MTMR8: variants seen among roughly 807,000 people sequenced by gnomAD.
The protein encoded by MTMR8 is phosphatidylinositol-3,5-bisphosphate 3-phosphatase MTMR8.
MTMR8 carries 65 observed loss-of-function variants against 39.3 expected under a neutral mutation model. The ratio of observed to expected loss-of-function variants is 1.65; its 90% CI spans 1.35 to 2.03. The LOEUF is 2.03. Ranked by LOEUF, MTMR8 falls within the 30% of genes most tolerant of loss-of-function variation. The probability of loss-of-function intolerance (pLI) is 0.00; values close to 1 mark genes in which losing one functional copy is unlikely to be tolerated. For synonymous variants in MTMR8, 245 were observed against 185.2 expected, an observed-to-expected ratio of 1.32 and a Z score of -2.62; for missense variants, 777 against 538.9, an observed-to-expected ratio of 1.44 and a Z score of -4.37.
At chrX:64,379,282 GC>G (rs1924349472) in intron 1 of MTMR8, among the ~76,000 whole-genome samples, 1 of 111,619 alleles carries the variant, frequency 9.0e-6, no homozygotes, top group African/African-American at 3.3e-5. Flanking sequence ...ATTCTATAAG[GC>G]TAGCATTACC....
intron 12 of MTMR8, among the ~76,000 whole-genome samples, chrX:64,288,710 C>T (rs887820486): frequency 9.0e-5 from 10 of 111,361 alleles, no homozygotes; most frequent in Non-Finnish European, 7.5e-5. Flanking sequence ...GAGTTCATGT[C>T]CTTTGCAGGG....
intron 12 of MTMR8, among the ~76,000 whole-genome samples, chrX:64,281,954 C>A (rs1932025827): frequency 9.1e-6 from 1 of 109,879 alleles, no homozygotes; most frequent in Non-Finnish European, 1.9e-5. Context: ...TTTATGCGGC[C>A]AACAAACATA....
chrX:64,361,969 G>C (rs1923791611), intron 1 of MTMR8, among the ~76,000 whole-genome samples: 1 of 110,678 alleles, frequency 9.0e-6, no homozygotes, highest in African/African-American at 3.3e-5. Flanking sequence ...ATATAAAAGA[G>C]TTCAGCAAGG....
intron 12 of MTMR8, among the ~76,000 whole-genome samples, chrX:64,311,870 C>T (rs1325434156): frequency 1.9e-5 from 2 of 105,307 alleles, no homozygotes; most frequent in Non-Finnish European, 3.8e-5. Context: ...TATATATCTG[C>T]TTTGGTACCA....
At chrX:64,359,862 T>TA (rs1343696349) in intron 1 of MTMR8, among the ~76,000 whole-genome samples, 2 of 92,255 alleles carry the variant, frequency 2.2e-5, no homozygotes, top group African/African-American at 4.5e-5. Context: ...ATTGTATGTG[T>TA]AAAAAAATCA....
rs149756639 is a variant in MTMR8 at position 64,330,162 on chromosome X, G to A, written c.1353-1262C>T. 7.2e-3 allele frequency among the ~76,000 whole-genome samples: 803 copies of A among 111,835 alleles called. 4 individuals are homozygous for A. Among genetic ancestry groups the A allele is most frequent in the Non-Finnish European group, 0.011 (590 of 53,085 alleles). ...GTTATGTTTTTTAAATGGATATTCAGATTTGTGTGAAAAATACCACATATA... is the reference window on the plus strand; with the variant it reads ...GTTATGTTTTTTAAATGGATATTCAAATTTGTGTGAAAAATACCACATATA... On this transcript the variant is annotated intron_variant, in intron 11 of 13. Coordinates refer to ENST00000374852, the MANE Select transcript of MTMR8 (RefSeq NM_017677.4).
chrX:64,375,955 G>A (rs1569231818), intron 1 of MTMR8, among the ~76,000 whole-genome samples: 2 of 111,138 alleles, frequency 1.8e-5, no homozygotes, highest in Non-Finnish European at 3.8e-5. Context: ...GTTCTCACAC[G>A]ATCTGGTTGT....
chrX:64,295,374 G>C (rs942426551), intron 12 of MTMR8, among the ~76,000 whole-genome samples: 3 of 111,293 alleles, frequency 2.7e-5, no homozygotes, highest in African/African-American at 9.8e-5. Context: ...ATTCTTAGAA[G>C]AGAACATAGG....
chrX:64,326,873 T>C (rs189747562), intron 12 of MTMR8, among the ~76,000 whole-genome samples: 2 of 108,294 alleles, frequency 1.8e-5, no homozygotes, highest in East Asian at 2.9e-4. Flanking sequence ...ACCAATGGAA[T>C]AGAGAGCCCA....
intron 12 of MTMR8, among the ~76,000 whole-genome samples, chrX:64,311,294 CTTCTT>C (rs1289564406): frequency 2.7e-5 from 3 of 111,623 alleles, no homozygotes; most frequent in African/African-American, 6.5e-5. Flanking sequence ...GCATAAATGT[CTTCTT>C]TTGAGACGTG....
intron 12 of MTMR8, among the ~76,000 whole-genome samples, chrX:64,317,374 C>T (rs990399300): frequency 1.8e-5 from 2 of 111,319 alleles, no homozygotes; most frequent in African/African-American, 6.5e-5. Flanking sequence ...ACCCCTGTGA[C>T]TCTGTTTATT....
chrX:64,298,509 T>A (rs1182359923), intron 12 of MTMR8, among the ~76,000 whole-genome samples: 2 of 82,755 alleles, frequency 2.4e-5, no homozygotes, highest in Non-Finnish European at 4.1e-5. Context: ...AGATATACAA[T>A]CATGTCATCT....
At chrX:64,335,587 T>G (rs1414356722) in intron 10 of MTMR8, among the ~76,000 whole-genome samples, 1 of 112,335 alleles carries the variant, frequency 8.9e-6, no homozygotes, top group African/African-American at 3.2e-5. Context: ...CAGATAAATA[T>G]AAGCCCTTGT....
At chrX:64,309,406 T>C (rs974285965) in intron 12 of MTMR8, among the ~76,000 whole-genome samples, 2 of 111,676 alleles carry the variant, frequency 1.8e-5, no homozygotes, top group Non-Finnish European at 3.8e-5. Flanking sequence ...ACTTGTTCAT[T>C]GCTAGTATGT....
chrX:64,317,192 A>T (rs1007169303), intron 12 of MTMR8, among the ~76,000 whole-genome samples: 2 of 109,334 alleles, frequency 1.8e-5, no homozygotes, highest in Non-Finnish European at 3.8e-5. Flanking sequence ...TTTGGGGTTT[A>T]TCCTGTTTGA....
chrX:64,288,120 G>T (rs1199797311), intron 12 of MTMR8, among the ~76,000 whole-genome samples: 2 of 100,867 alleles, frequency 2.0e-5, no homozygotes, highest in Non-Finnish European at 4.0e-5. Context: ...CTGACAAACG[G>T]CTAACATCCA....
intron 1 of MTMR8, among the ~76,000 whole-genome samples, chrX:64,377,975 C>G (rs1336055924): frequency 6.3e-5 from 7 of 111,708 alleles, no homozygotes; most frequent in Admixed American, 2.9e-4. Context: ...AGCACTTCCC[C>G]TTTTGCTCTG....
At chrX:64,352,793 G>T (rs1308906544) in intron 4 of MTMR8, among the ~76,000 whole-genome samples, 4 of 111,350 alleles carry the variant, frequency 3.6e-5, no homozygotes, top group Non-Finnish European at 7.5e-5. Flanking sequence ...CTTAGTTCAG[G>T]TTCTCATAAC....
At chrX:64,347,562 A>C (rs1299148094) in intron 6 of MTMR8, among the ~76,000 whole-genome samples, 1 of 111,934 alleles carries the variant, frequency 8.9e-6, no homozygotes, top group Non-Finnish European at 1.9e-5. Context: ...TGTCTAAGGC[A>C]ACTATCTGGT....
Sources: gnomAD v4.1 joint callset for allele counts (sites outside exome capture counted in the v4.1 genomes callset) on GRCh38, gnomAD v4.1.1 for gene constraint, MANE v1.5 for transcripts, NCBI Gene and HGNC (gene_info 2026-07-23, HGNC 2026-07-21) for gene names.